UNC13C: variants seen among roughly 807,000 people sequenced by gnomAD.
UNC13C encodes protein unc-13 homolog C.
A neutral mutation model predicts 245.4 loss-of-function variants in UNC13C; 174 were observed. That is an observed-to-expected ratio of 0.71 (90% CI 0.63 to 0.80). UNC13C has a LOEUF of 0.80. UNC13C is among the 30% of genes least tolerant of loss of function. The pLI is 0.00. For synonymous variants in UNC13C, 992 were observed against 895.1 expected (o/e 1.11, Z -1.93); for missense variants, 2,829 against 2,602.9 (o/e 1.09, Z -1.89).
At chr15:54,577,045 C>T (rs535484182) in intron 30 of UNC13C, among the ~76,000 whole-genome samples, 1 of 152,160 alleles carries the variant, frequency 6.6e-6, no homozygotes, top group African/African-American at 2.4e-5. Flanking sequence ...GTTCTAGACA[C>T]TGGAACATCC....
intron 17 of UNC13C, among the ~76,000 whole-genome samples, chr15:54,382,600 GA>G (rs202162228): frequency 5.5e-5 from 8 of 145,424 alleles, no homozygotes; most frequent in South Asian, 2.2e-4. Context: ...AAACAACAAT[GA>G]AAAAAAAAAC....
At chr15:54,032,007 C>T (rs1173708031) in intron 2 of UNC13C, among the ~76,000 whole-genome samples, 1 of 152,112 alleles carries the variant, frequency 6.6e-6, no homozygotes, top group South Asian at 2.1e-4. Context: ...ATGTAAATAG[C>T]TACCGGAAGT....
intron 17 of UNC13C, among the ~76,000 whole-genome samples, chr15:54,379,375 A>C (rs1323084970): frequency 6.6e-6 from 1 of 152,150 alleles, no homozygotes; most frequent in Non-Finnish European, 1.5e-5. Flanking sequence ...GACAGAATAC[A>C]AAAATCTAGC....
chr15:53,917,067 T>G, the UNC13C span, among the ~76,000 whole-genome samples: 4 of 152,252 alleles, frequency 2.6e-5, no homozygotes, highest in African/African-American at 9.6e-5. Flanking sequence ...CTTTGCTTAT[T>G]TATTTATGTT....
intron 19 of UNC13C, among the ~76,000 whole-genome samples, chr15:54,433,577 C>T (rs1028836390): frequency 3.5e-4 from 53 of 152,020 alleles, no homozygotes; most frequent in African/African-American, 1.2e-3. Context: ...ATTGATGGAA[C>T]ATATCTCAAA....
At chr15:54,126,804 T>C (rs752154113) in intron 2 of UNC13C, among the ~76,000 whole-genome samples, 4 of 152,174 alleles carry the variant, frequency 2.6e-5, no homozygotes, top group Non-Finnish European at 4.4e-5. Context: ...TTTTGCAATC[T>C]ATCCATCTGA....
intron 2 of UNC13C, among the ~76,000 whole-genome samples, chr15:54,037,446 A>T (rs1179184165): frequency 6.6e-6 from 1 of 152,200 alleles, no homozygotes; most frequent in Admixed American, 6.5e-5. Context: ...ATAAAAAAAA[A>T]TTGTCCAAAA....
rs549685030 is a variant in UNC13C, at chr15:54,329,300, CTT to C, written c.4426-2740_4426-2739del. Among the ~76,000 whole-genome samples, 39 of 151,968 alleles carry C rather than the reference CTT, an allele frequency of 2.6e-4. No homozygotes were observed. In the East Asian group the frequency reaches 6.0e-3, roughly 23 times the overall value. On this transcript the variant is annotated intron_variant, in intron 14 of 32. Coordinates refer to ENST00000260323, the MANE Select transcript of UNC13C (RefSeq NM_001080534.3). ...ATGTTGGGAACATTCCAATTCCACT[CTT>C]TTAGTTATTTTGAAATACACAACCA...
At chr15:54,098,852 C>T (rs1900018756) in intron 2 of UNC13C, among the ~76,000 whole-genome samples, 1 of 152,180 alleles carries the variant, frequency 6.6e-6, no homozygotes, top group African/African-American at 2.4e-5. Flanking sequence ...GTCAGCGAAT[C>T]TCTAAAGGAC....
At chr15:54,562,497 A>G (rs181036632) in intron 29 of UNC13C, among the ~76,000 whole-genome samples, 11 of 152,094 alleles carry the variant, frequency 7.2e-5, no homozygotes, top group African/African-American at 1.9e-4. Flanking sequence ...TTGTCCGCAC[A>G]TGGTCTTCCG....
intron 2 of UNC13C, among the ~76,000 whole-genome samples, chr15:54,063,446 A>T (rs546419560): frequency 1.3e-5 from 2 of 152,038 alleles, no homozygotes. Context: ...GCCAATACCA[A>T]CTGTTTCCTT....
At chr15:54,251,357 C>A (rs927659103) in intron 8 of UNC13C, among the ~76,000 whole-genome samples, 3 of 152,046 alleles carry the variant, frequency 2.0e-5, no homozygotes, top group Non-Finnish European at 4.4e-5. Context: ...ACTCTATGGG[C>A]AGGAATAACA....
intron 2 of UNC13C, chr15:54,044,382 T>C: frequency 3.6e-6 from 1 of 277,118 alleles, no homozygotes; most frequent in South Asian, 3.2e-5. Flanking sequence ...AATGCGGCTA[T>C]GAATATTTGT....
At chr15:54,573,722 T>A (rs193196973) in intron 30 of UNC13C, among the ~76,000 whole-genome samples, 1 of 152,204 alleles carries the variant, frequency 6.6e-6, no homozygotes, top group Non-Finnish European at 1.5e-5. Flanking sequence ...GAGCTTTGGT[T>A]GTCACATCCT....
chr15:54,525,424 AAAAG>A, intron 24 of UNC13C, 121 bp from the exon 25 acceptor site: 17 of 585,510 alleles, frequency 2.9e-5, no homozygotes, highest in Non-Finnish European at 3.9e-5. Context: ...AAAAAAAAAA[AAAAG>A]AAGAGAAAAA....
intron 4 of UNC13C, among the ~76,000 whole-genome samples, chr15:54,160,507 A>T (rs1424165252): frequency 6.6e-6 from 1 of 151,676 alleles, no homozygotes; most frequent in Non-Finnish European, 1.5e-5. Context: ...TTCTGAAAAA[A>T]CTAAATTACA....
At chr15:54,105,093 A>G (rs987890150) in intron 2 of UNC13C, among the ~76,000 whole-genome samples, 1 of 152,212 alleles carries the variant, frequency 6.6e-6, no homozygotes, top group East Asian at 1.9e-4. Flanking sequence ...AGCAGGATGG[A>G]CAAGAGAACT....
At position 54,170,189 on chromosome 15, in the gene UNC13C, T is replaced by A. The variant is rs187461026; in HGVS notation, c.3071+26505T>A. 2.0e-4 allele frequency among the ~76,000 whole-genome samples: 31 copies of A among 152,252 alleles called. No homozygotes were observed. The East Asian group carries it at 5.8e-3, about 28-fold the overall frequency. On this transcript the variant is annotated intron_variant, in intron 4 of 32. Coordinates refer to ENST00000260323, the MANE Select transcript of UNC13C (RefSeq NM_001080534.3). ...AAAAGCTTGTCTCTATTGTGATACTTACGTCTGATAGTGACTTTATAGATT... is the reference window on the plus strand; with the variant it reads ...AAAAGCTTGTCTCTATTGTGATACTAACGTCTGATAGTGACTTTATAGATT...
chr15:53,954,863 T>C, the UNC13C span, among the ~76,000 whole-genome samples: 2 of 152,216 alleles, frequency 1.3e-5, no homozygotes, highest in Non-Finnish European at 2.9e-5. Flanking sequence ...ATAGACTATA[T>C]GCTTCTAGCC....
Sources: allele counts gnomAD v4.1 joint callset (sites outside exome capture counted in the v4.1 genomes callset), GRCh38; gene constraint gnomAD v4.1.1; transcripts MANE v1.5; gene names NCBI Gene and HGNC (gene_info 2026-07-23, HGNC 2026-07-21).